The following HTD2 variants were observed in gnomAD, a reference collection of about 807,000 sequenced individuals.
HTD2 encodes hydroxyacyl-thioester dehydratase type 2.
In HTD2, 1 loss-of-function variant was observed where a neutral mutation model predicts 3.1. That is an observed-to-expected ratio of 0.32 (90% CI 0.11 to 1.52). The LOEUF (loss-of-function observed/expected upper bound fraction) is 1.52, where lower values mean the gene tolerates loss of function less well. Ranked by LOEUF, HTD2 falls within the 40% of genes most tolerant of loss-of-function variation. HTD2 has a pLI of 0.39. For missense variants in HTD2, 150 were observed against 79.6 expected, an observed-to-expected ratio of 1.88 and a Z score of -3.36; for synonymous variants, 50 against 28.9, an observed-to-expected ratio of 1.73 and a Z score of -2.34.
At chr3:58,315,541 G>A (rs892383094) in intron 2 of HTD2, among the ~76,000 whole-genome samples, 3 of 152,184 alleles carry the variant, frequency 2.0e-5, no homozygotes, top group African/African-American at 7.2e-5. Flanking sequence ...CATACAATTG[G>A]TAAAATCTGA....
At chr3:58,314,071 T>C (rs1453197907) in intron 2 of HTD2, among the ~76,000 whole-genome samples, 1 of 151,904 alleles carries the variant, frequency 6.6e-6, no homozygotes, top group Non-Finnish European at 1.5e-5. Flanking sequence ...TAATAACACA[T>C]GGGGCGTGGT....
chr3:58,306,297 TA>T (rs1424575560), upstream of HTD2: 4 of 152,316 alleles, frequency 2.6e-5, no homozygotes, highest in Non-Finnish European at 5.9e-5. Context: ...AAGCCAAACG[TA>T]AAGACACCAG....
chr3:58,316,405 T>C lies in HTD2; in HGVS notation c.-330-110T>C. 3.1e-6 allele frequency: 3 copies of C among 966,728 alleles called. No homozygotes were observed. In the South Asian group the frequency reaches 4.2e-5, roughly 13 times the overall value. 59.9% of individuals were successfully genotyped at this position (966,728 alleles called of 1,614,324 possible). On this transcript the variant is annotated intron_variant, in intron 2 of 4. Transcript: ENST00000461393. ...AAAGTGCCAGCACCATTAAATAAAATACTGCTTATGTGGAGGAGAAAAGCT... is the reference window on the plus strand; with the variant it reads ...AAAGTGCCAGCACCATTAAATAAAACACTGCTTATGTGGAGGAGAAAAGCT...
In HTD2 at chr3:58,319,788, T is replaced by C. The variant is rs1317257042; in HGVS notation, c.*1668T>C. ...CATCCCAACACAGCCAACACTTTTG[T>C]TTCCCATTTTTTTTTGTTTCCCGTT... On this transcript the variant is annotated 3_prime_UTR_variant, in exon 5 of 5. Coordinates refer to ENST00000461393, the MANE Select transcript of HTD2 (RefSeq NM_001348712.2). The C allele has an allele frequency of 1.3e-5, 2 of 152,122 alleles. No individual in the cohort carries two copies. Among genetic ancestry groups the C allele is most frequent in the Non-Finnish European group, 2.9e-5 (2 of 68,026 alleles). 9.4% of individuals were successfully genotyped at this position (152,122 alleles called of 1,614,324 possible). A position where few individuals can be genotyped will look rare whatever the true frequency, so the allele number is the denominator to read the frequency against.
At chr3:58,306,785 T>TA (rs2097475480) in intron 1 of HTD2, 134 bp downstream of exon 1, 1 of 152,070 alleles carries the variant, frequency 6.6e-6, no homozygotes, top group Admixed American at 6.5e-5. Context: ...CACGACCCAG[T>TA]GTTTTAGGGC....
chr3:58,319,528 A>G lies in HTD2; in HGVS notation c.*1408A>G, dbSNP rs942255130. 2 of 152,104 alleles carry G rather than the reference A, an allele frequency of 1.3e-5. No homozygotes were observed. Among genetic ancestry groups the G allele is most frequent in the Non-Finnish European group, 2.9e-5 (2 of 68,032 alleles). The allele number at this position is 152,104 out of a possible 1,614,324, so 9.4% of individuals were successfully genotyped here. On this transcript the variant is annotated 3_prime_UTR_variant, in exon 5 of 5. Transcript: ENST00000461393. ...GACCAGTTTTTCAGGGTGTCAGCCA[A>G]CCTCTATTAGTGTTCTTAAGTACAG...
rs940421856 is a variant in HTD2 at position 58,318,516 on chromosome 3, A to C, written c.*396A>C. The C allele has an allele frequency of 6.9e-6, 1 of 144,176 alleles. No homozygotes were observed. Among genetic ancestry groups the C allele is most frequent in the African/African-American group, 2.8e-5 (1 of 35,946 alleles). 8.9% of individuals were successfully genotyped at this position (144,176 alleles called of 1,614,324 possible). A position where few individuals can be genotyped will look rare whatever the true frequency, so the allele number is the denominator to read the frequency against. ...CTACCAAAAAAAAAAAAAAAAAAAA[A>C]GTGCAACTAGCTGTGCTTGGTGACT... On this transcript the variant is annotated 3_prime_UTR_variant, in exon 5 of 5. Coordinates refer to ENST00000461393, the MANE Select transcript of HTD2 (RefSeq NM_001348712.2).
intron 1 of HTD2, 84 bp downstream of exon 1, chr3:58,306,735 T>C (rs1012427815): frequency 6.6e-6 from 1 of 152,244 alleles, no homozygotes; most frequent in Admixed American, 6.5e-5. Context: ...TTTAAAGTGA[T>C]TGATTTAGTC....
intron 2 of HTD2, among the ~76,000 whole-genome samples, chr3:58,312,813 T>C (rs1042255224): frequency 6.6e-6 from 1 of 152,028 alleles, no homozygotes; most frequent in African/African-American, 2.4e-5. Context: ...ATACAAAAAT[T>C]AGCTGGGCAT....
intron 1 of HTD2, among the ~76,000 whole-genome samples, chr3:58,308,645 T>G (rs1434910326): frequency 6.6e-6 from 1 of 152,186 alleles, no homozygotes; most frequent in Non-Finnish European, 1.5e-5. Flanking sequence ...GAGGTCATCA[T>G]CTGGGAGTGG....
chr3:58,308,051 A>G (rs529144633), intron 1 of HTD2: 1 of 151,314 alleles, frequency 6.6e-6, no homozygotes, highest in South Asian at 2.1e-4. Context: ...AGCCAGCTCC[A>G]TCAAGGCAGT....
rs372877190 is a variant in HTD2, at chr3:58,310,453, G to C, written c.-415-54G>C. The C allele has an allele frequency of 4.6e-5, 73 of 1,598,782 alleles. 1 individual carries two copies. In the African/African-American group the frequency reaches 9.6e-4, roughly 21 times the overall value. On this transcript the variant is annotated intron_variant, in intron 1 of 4. Coordinates refer to ENST00000461393, the MANE Select transcript of HTD2 (RefSeq NM_001348712.2). ...CTATTTTAGATTACTTTTCTAACAT[G>C]AATCTGAATAGAATGAAATTTAATA...
Position 58,317,979 on chromosome 3 carries a change from AGTT to A in HTD2, c.370_372del (p.Val124del), listed in dbSNP as rs1479737509. The A allele has an allele frequency of 1.4e-6, 1 of 702,880 alleles. No homozygotes were observed. Among genetic ancestry groups the A allele is most frequent in the African/African-American group, 1.7e-5 (1 of 57,252 alleles). 43.5% of individuals were successfully genotyped at this position (702,880 alleles called of 1,614,324 possible). On this transcript the variant is annotated inframe_deletion, in exon 5 of 5. Transcript: ENST00000461393. The stretch of plus-strand genomic sequence containing the variant: ...TTCCAGCCCCTTTATATATTGGAGA[AGTT>A]GTTTTAGCTTCTGCAGAAGTGAAAA...
At chr3:58,317,038 G>T (rs1042432938) in intron 4 of HTD2, 45 bp downstream of exon 4, 1 of 1,350,554 alleles carries the variant, frequency 7.4e-7, no homozygotes, top group African/African-American at 1.4e-5. Flanking sequence ...CTGAGTGATG[G>T]GTCAACTGCT....
chr3:58,312,829 C>T (rs1418427607), intron 2 of HTD2, among the ~76,000 whole-genome samples: 2 of 151,972 alleles, frequency 1.3e-5, no homozygotes, highest in Non-Finnish European at 2.9e-5. Flanking sequence ...GGCATGGTGG[C>T]GCACGCTTGT....
At chr3:58,313,467 A>G (rs1263016459) in intron 2 of HTD2, among the ~76,000 whole-genome samples, 2 of 152,226 alleles carry the variant, frequency 1.3e-5, no homozygotes, top group African/African-American at 2.4e-5. Flanking sequence ...ATAGTCTGTC[A>G]AATCAAAATA....
Position 58,318,060 on chromosome 3 carries a change from TAA to T in HTD2, c.451_452del (p.Lys151AspfsTer8), listed in dbSNP as rs1559796858. 2 of 688,670 alleles carry T rather than the reference TAA, an allele frequency of 2.9e-6. No individual in the cohort carries two copies. Among genetic ancestry groups the T allele is most frequent in the Non-Finnish European group, 5.3e-6 (2 of 380,808 alleles). 42.7% of individuals were successfully genotyped at this position (688,670 alleles called of 1,614,324 possible). A position where few individuals can be genotyped will look rare whatever the true frequency, so the allele number is the denominator to read the frequency against. ...CAGTGTCATGTTCTGTAATAGAAAG[TAA>T]AAAGACTGTTATGGAAGGCTGGGTT... ...IAVSCSVIESKKTVMEGWVKV... is the reference protein window; with the variant it reads ...IAVSCSVIESXKTVMEGWVKV... On this transcript the variant is annotated frameshift_variant, in exon 5 of 5. Transcript: ENST00000461393. LOFTEE classifies it high-confidence loss of function.
Position 58,318,137 on chromosome 3 carries a change from A to G in HTD2, c.*17A>G, listed in dbSNP as rs947755126. 9.6e-6 allele frequency: 6 copies of G among 624,284 alleles called. No individual in the cohort carries two copies. Among genetic ancestry groups the G allele is most frequent in the East Asian group, 2.7e-5 (1 of 36,826 alleles). The allele number at this position is 624,284 out of a possible 1,614,324, so 38.7% of individuals were successfully genotyped here. ...AAATCCTGAAATAGATGTTTTAAAG[A>G]TGCAACCTCAAACACCAATGCTGTT... On this transcript the variant is annotated 3_prime_UTR_variant, in exon 5 of 5. Transcript: ENST00000461393.
chr3:58,314,483 A>G (rs1016869431), intron 2 of HTD2, among the ~76,000 whole-genome samples: 2 of 152,220 alleles, frequency 1.3e-5, no homozygotes, highest in African/African-American at 4.8e-5. Context: ...GCACATGGAA[A>G]GATGTTTAAC....
Sources: gnomAD v4.1 joint callset for allele counts (sites outside exome capture counted in the v4.1 genomes callset) on GRCh38, gnomAD v4.1.1 for gene constraint, MANE v1.5 for transcripts, NCBI Gene and HGNC (gene_info 2026-07-23, HGNC 2026-07-21) for gene names.